Variants in RABGAP1 observed in about 807,000 individuals in gnomAD.
The protein encoded by RABGAP1 is rab GTPase-activating protein 1.
RABGAP1 carries 23 observed loss-of-function variants against 137.6 expected under a neutral mutation model. The observed-to-expected ratio is 0.17, with a 90% CI of 0.12 to 0.24. The LOEUF (loss-of-function observed/expected upper bound fraction) is 0.24. Ranked by LOEUF, RABGAP1 falls within the 10% of genes least tolerant of loss-of-function variation. The pLI is 1.00. For synonymous variants in RABGAP1, 451 were observed against 450.7 expected (o/e 1.00, Z -0.01); for missense variants, 906 against 1,275.8 (o/e 0.71, Z 4.42).
Position 123,103,651 on chromosome 9 carries a change from A to G in RABGAP1, c.*438A>G, listed in dbSNP as rs2035414232. 8.2e-6 allele frequency: 1 copy of G among 121,726 alleles called. No homozygotes were observed. Among genetic ancestry groups the G allele is most frequent in the Non-Finnish European group, 1.7e-5 (1 of 59,358 alleles). The allele number at this position is 121,726 out of a possible 1,614,324, so 7.5% of individuals were successfully genotyped here. A position where few individuals can be genotyped will look rare whatever the true frequency, so the allele number is the denominator to read the frequency against. ...TATATATATATAGTGGGGGTGGGGC[A>G]AGGGATCAGAAATTCAAATAATTCT... On this transcript the variant is annotated 3_prime_UTR_variant, in exon 26 of 26. Transcript: ENST00000373647.
intron 2 of RABGAP1, among the ~76,000 whole-genome samples, chr9:122,972,686 G>A (rs1281922874): frequency 6.6e-6 from 1 of 152,188 alleles, no homozygotes; most frequent in African/African-American, 2.4e-5. Context: ...ATAGTTAGAT[G>A]AATGCTGTGG....
At chr9:122,941,442 T>G (rs1350118179) in intron 1 of RABGAP1, among the ~76,000 whole-genome samples, 1 of 152,228 alleles carries the variant, frequency 6.6e-6, no homozygotes, top group African/African-American at 2.4e-5. Context: ...ACTTTAATGT[T>G]TTATGCTTGG....
intron 1 of RABGAP1, among the ~76,000 whole-genome samples, chr9:122,950,219 A>G (rs1031638317): frequency 6.6e-6 from 1 of 152,148 alleles, no homozygotes; most frequent in African/African-American, 2.4e-5. Flanking sequence ...AGGTTGAAAG[A>G]GAATAAAATA....
chr9:122,990,413 C>T, intron 6 of RABGAP1, 200 bp downstream of exon 6: 1 of 390,932 alleles, frequency 2.6e-6, no homozygotes, highest in Non-Finnish European at 4.4e-6. Flanking sequence ...AAAAAATTGT[C>T]ATATTGGGAA....
chr9:122,995,938 G>C, intron 6 of RABGAP1, 103 bp from the exon 7 acceptor site: 1 of 1,468,840 alleles, frequency 6.8e-7, no homozygotes. Flanking sequence ...TGCAAACTAG[G>C]CACAGAAAAG....
chr9:123,069,088 A>G (rs1173376293), intron 14 of RABGAP1, among the ~76,000 whole-genome samples: 1 of 152,232 alleles, frequency 6.6e-6, no homozygotes, highest in Non-Finnish European at 1.5e-5. Flanking sequence ...AAAAGAACTA[A>G]AAAACCAAAG....
chr9:123,015,765 AT>A, intron 12 of RABGAP1, 129 bp downstream of exon 12: 2 of 570,432 alleles, frequency 3.5e-6, no homozygotes, highest in Non-Finnish European at 6.1e-6. Flanking sequence ...TCTGTGATCT[AT>A]TTTAGGGATT....
At chr9:123,049,427 C>T (rs530428074) in intron 13 of RABGAP1, among the ~76,000 whole-genome samples, 7 of 151,890 alleles carry the variant, frequency 4.6e-5, no homozygotes, top group East Asian at 1.9e-4. Context: ...AATTAGACAA[C>T]GATAATAGAG....
chr9:123,054,914 C>A (rs2033630244), intron 13 of RABGAP1, among the ~76,000 whole-genome samples: 2 of 152,072 alleles, frequency 1.3e-5, no homozygotes, highest in South Asian at 4.1e-4. Flanking sequence ...AGCGTGACAT[C>A]AGTGTTGACC....
intron 10 of RABGAP1, 142 bp from the exon 11 acceptor site, chr9:123,010,212 A>G (rs2030675285): frequency 2.8e-6 from 2 of 708,374 alleles, no homozygotes; most frequent in Admixed American, 3.3e-5. Context: ...AAAAAACATC[A>G]TTTATTTTCA....
rs183249903 is a variant in RABGAP1, at chr9:123,009,044, A to T, written c.1375-1310A>T. Among the ~76,000 whole-genome samples the T allele has an allele frequency of 7.4e-4, 112 of 152,306 alleles. 2 individuals carry two copies. Among genetic ancestry groups the T allele is most frequent in the Admixed American group, 2.2e-3 (33 of 15,296 alleles). ...AGAAAATTAAGTAATCCTTGGGTGG[A>T]CATGTTAAACCAAAGTTGACAGACA... On this transcript the variant is annotated intron_variant, in intron 10 of 25. Coordinates refer to ENST00000373647, the MANE Select transcript of RABGAP1 (RefSeq NM_012197.4).
intron 13 of RABGAP1, 81 bp downstream of exon 13, chr9:123,020,540 T>C: frequency 7.9e-7 from 1 of 1,269,370 alleles, no homozygotes; most frequent in Non-Finnish European, 1.0e-6. Flanking sequence ...ATTTGACTTA[T>C]AAGAAGTGTT....
Position 123,045,274 on chromosome 9 carries a change from C to T in RABGAP1, c.1795-20074C>T, listed in dbSNP as rs546385823. 5.3e-5 allele frequency among the ~76,000 whole-genome samples: 8 copies of T among 152,232 alleles called. No homozygotes were observed. The South Asian group carries it at 1.7e-3, about 32-fold the overall frequency. On this transcript the variant is annotated intron_variant, in intron 13 of 25. Transcript: ENST00000373647. ...ATTTCTTCCAGAAAAACGGAGGAAACCTCAACTGCCAAAGCCATTTATTTT... is the reference window on the plus strand; with the variant it reads ...ATTTCTTCCAGAAAAACGGAGGAAATCTCAACTGCCAAAGCCATTTATTTT...
chr9:122,963,074 A>G (rs1834936664), intron 2 of RABGAP1, among the ~76,000 whole-genome samples: 1 of 152,214 alleles, frequency 6.6e-6, no homozygotes, highest in Admixed American at 6.5e-5. Flanking sequence ...AAAATGCATG[A>G]AGCAAAAACT....
intron 1 of RABGAP1, among the ~76,000 whole-genome samples, chr9:122,956,622 C>T (rs1834537587): frequency 6.9e-6 from 1 of 145,262 alleles, no homozygotes; most frequent in South Asian, 2.2e-4. Flanking sequence ...TGCACTCCAG[C>T]CTGGGCGACA....
Position 123,018,377 on chromosome 9 carries a change from G to A in RABGAP1, c.1644-1932G>A, listed in dbSNP as rs1004585785. Among the ~76,000 whole-genome samples the A allele has an allele frequency of 4.6e-5, 7 of 152,192 alleles. 1 individual carries two copies. Among genetic ancestry groups the A allele is most frequent in the Non-Finnish European group, 8.8e-5 (6 of 68,042 alleles). On this transcript the variant is annotated intron_variant, in intron 12 of 25. Coordinates refer to ENST00000373647, the MANE Select transcript of RABGAP1 (RefSeq NM_012197.4). ...TATCAATGTAAATTAAGCTAGTAAGGTTAGCAGGCTTTGTCTGTAAAGAGC... is the reference window on the plus strand; with the variant it reads ...TATCAATGTAAATTAAGCTAGTAAGATTAGCAGGCTTTGTCTGTAAAGAGC...
chr9:123,022,422 G>A (rs529522392), intron 13 of RABGAP1, among the ~76,000 whole-genome samples: 78 of 152,200 alleles, frequency 5.1e-4, no homozygotes, highest in Admixed American at 1.6e-3. Flanking sequence ...TTCTTTTTGA[G>A]ACGGAGTCTA....
intron 9 of RABGAP1, among the ~76,000 whole-genome samples, chr9:122,997,604 G>C (rs988413181): frequency 1.3e-5 from 2 of 148,588 alleles, no homozygotes; most frequent in African/African-American, 2.5e-5. Flanking sequence ...CTATTTATAT[G>C]CTTATTTACT....
At chr9:123,036,539 A>C (rs1433947837) in intron 13 of RABGAP1, among the ~76,000 whole-genome samples, 2 of 152,214 alleles carry the variant, frequency 1.3e-5, no homozygotes, top group Non-Finnish European at 2.9e-5. Flanking sequence ...TTCTATTCAA[A>C]GACTTCTGAA....
Sources: allele counts gnomAD v4.1 joint callset (sites outside exome capture counted in the v4.1 genomes callset), GRCh38; gene constraint gnomAD v4.1.1; transcripts MANE v1.5; gene names NCBI Gene and HGNC (gene_info 2026-07-23, HGNC 2026-07-21).